GSTCD: variants seen among roughly 807,000 people sequenced by gnomAD.
GSTCD encodes the protein glutathione S-transferase C-terminal domain-containing protein.
Under a neutral mutation model 68.3 loss-of-function variants are expected in GSTCD, and 44 were observed. The observed-to-expected ratio is 0.64, with a 90% CI of 0.51 to 0.83. The LOEUF is 0.83. Among genes scored for constraint, GSTCD ranks in the 40% least tolerant of loss-of-function variants. The probability of loss-of-function intolerance (pLI) is 0.00; values close to 1 mark genes in which losing one functional copy is unlikely to be tolerated. For synonymous variants in GSTCD, 273 were observed against 255.2 expected (o/e 1.07, Z -0.67); for missense variants, 739 against 735.9 (o/e 1.00, Z -0.05).
At chr4:105,804,503 G>A (rs1428308636) in intron 5 of GSTCD, among the ~76,000 whole-genome samples, 1 of 152,024 alleles carries the variant, frequency 6.6e-6, no homozygotes, top group African/African-American at 2.4e-5. Flanking sequence ...TTACCTGAGG[G>A]CATTGTAGAA....
chr4:105,841,788 T>C (rs1340231190), intron 10 of GSTCD, among the ~76,000 whole-genome samples: 1 of 152,126 alleles, frequency 6.6e-6, no homozygotes, highest in Non-Finnish European at 1.5e-5. Flanking sequence ...GAGACGAAGG[T>C]TGCAGTGAGC....
chr4:105,835,550 C>T (rs1724079082), intron 9 of GSTCD, among the ~76,000 whole-genome samples: 1 of 152,102 alleles, frequency 6.6e-6, no homozygotes, highest in African/African-American at 2.4e-5. Context: ...CGCCAGGAGC[C>T]ACAGAACCCC....
chr4:105,796,705 C>T (rs1000505653), intron 5 of GSTCD, among the ~76,000 whole-genome samples: 5 of 152,108 alleles, frequency 3.3e-5, no homozygotes, highest in Non-Finnish European at 7.4e-5. Flanking sequence ...ACTGATGGTC[C>T]TTGGGCCAGA....
intron 5 of GSTCD, among the ~76,000 whole-genome samples, chr4:105,736,817 A>T (rs1733478647): frequency 6.6e-6 from 1 of 152,172 alleles, no homozygotes; most frequent in Non-Finnish European, 1.5e-5. Context: ...TCCATTTGGA[A>T]GTGAGAACAT....
At chr4:105,763,147 G>A (rs1734477292) in intron 5 of GSTCD, among the ~76,000 whole-genome samples, 1 of 152,142 alleles carries the variant, frequency 6.6e-6, no homozygotes, top group South Asian at 2.1e-4. Flanking sequence ...CAGAATTTAA[G>A]AGTGCAGAGG....
intron 5 of GSTCD, among the ~76,000 whole-genome samples, chr4:105,732,818 G>A (rs1000338074): frequency 7.2e-5 from 11 of 152,120 alleles, no homozygotes; most frequent in African/African-American, 1.4e-4. Context: ...GCTTTCTCCT[G>A]TGGGCATTTA....
At chr4:105,760,276 G>A (rs866839020) in intron 5 of GSTCD, among the ~76,000 whole-genome samples, 17 of 152,248 alleles carry the variant, frequency 1.1e-4, no homozygotes, top group African/African-American at 3.9e-4. Flanking sequence ...ATTAAACTGT[G>A]GGAGAATCTG....
chr4:105,742,352 A>C (rs1355758970), intron 5 of GSTCD, among the ~76,000 whole-genome samples: 1 of 151,612 alleles, frequency 6.6e-6, no homozygotes, highest in East Asian at 1.9e-4. Context: ...TCTTCTTCCC[A>C]CTCCCCTTGC....
At chr4:105,741,309 G>T (rs1578426078) in intron 5 of GSTCD, among the ~76,000 whole-genome samples, 1 of 152,126 alleles carries the variant, frequency 6.6e-6, no homozygotes. Flanking sequence ...TGAATTTTTG[G>T]TGTTTTATTA....
chr4:105,836,539 G>A (rs1392650391), intron 9 of GSTCD, among the ~76,000 whole-genome samples: 1 of 152,120 alleles, frequency 6.6e-6, no homozygotes, highest in Non-Finnish European at 1.5e-5. Context: ...TTTGTGCCAA[G>A]GGGTGCCTGC....
At chr4:105,784,923 A>T (rs765961580) in intron 5 of GSTCD, among the ~76,000 whole-genome samples, 1 of 152,180 alleles carries the variant, frequency 6.6e-6, no homozygotes, top group African/African-American at 2.4e-5. Flanking sequence ...TTCCAAGATT[A>T]TATTGTCCTT....
chr4:105,747,067 C>G (rs1324487354), intron 5 of GSTCD, among the ~76,000 whole-genome samples: 1 of 152,148 alleles, frequency 6.6e-6, no homozygotes, highest in Non-Finnish European at 1.5e-5. Flanking sequence ...AGCCTTTTCC[C>G]CTATTATTGA....
rs765614305 is a variant in GSTCD, at chr4:105,834,478, T to C, written c.1548T>C (p.Cys516=). 1 of 1,614,078 alleles carries C rather than the reference T, an allele frequency of 6.2e-7. No individual in the cohort carries two copies. Among genetic ancestry groups the C allele is most frequent in the East Asian group, 2.2e-5 (1 of 44,870 alleles). The change falls in exon 9 of 12, where the codon TGT becomes TGC. Residue 516 remains cysteine, a synonymous_variant. Transcript: ENST00000515279. ...MFNIGVALHA[C]GVATDMVIEH... ...TTTTGTAGGTAGCATTGCATGCTTG[T>C]GGAGTGGCAACAGACATGGTGATTG... is the stretch of plus-strand genomic sequence containing the variant.
chr4:105,801,841 T>C (rs1736116836), intron 5 of GSTCD, among the ~76,000 whole-genome samples: 1 of 152,136 alleles, frequency 6.6e-6, no homozygotes, highest in Non-Finnish European at 1.5e-5. Flanking sequence ...CATCATTTTA[T>C]AACTTCTCTT....
At chr4:105,725,591 T>C (rs1165120620) in intron 3 of GSTCD, among the ~76,000 whole-genome samples, 1 of 143,928 alleles carries the variant, frequency 6.9e-6, no homozygotes, top group Non-Finnish European at 1.5e-5. Context: ...TGCTGAGCAT[T>C]TTTTTTATAT....
At chr4:105,730,889 G>C (rs1046073675) in intron 5 of GSTCD, among the ~76,000 whole-genome samples, 2 of 152,214 alleles carry the variant, frequency 1.3e-5, no homozygotes, top group African/African-American at 4.8e-5. Flanking sequence ...TAAGATTTAA[G>C]TCTTCAATCC....
rs190156910 is a variant in GSTCD, at chr4:105,840,254, G to A, written c.1696-1811G>A. 5.2e-3 allele frequency: 2,374 copies of A among 452,442 alleles called. 11 individuals carry two copies. Among genetic ancestry groups the A allele is most frequent in the Non-Finnish European group, 8.2e-3 (1,856 of 225,558 alleles). The allele number at this position is 452,442 out of a possible 1,614,324, so 28.0% of individuals were successfully genotyped here. Reference sequence around the variant, plus strand: ...ATGAATCTTAATTTACAAACACCATGAGGACAAAGTGCACACTGTTTCTTC... The same window carrying A: ...ATGAATCTTAATTTACAAACACCATAAGGACAAAGTGCACACTGTTTCTTC... On this transcript the variant is annotated intron_variant, in intron 10 of 11. Coordinates refer to ENST00000515279, the MANE Select transcript of GSTCD (RefSeq NM_001370181.1).
In GSTCD at chr4:105,846,799, G is replaced by C. The variant is rs1292353278; in HGVS notation, c.*1222G>C. 1 of 151,622 alleles carries C rather than the reference G, an allele frequency of 6.6e-6. No homozygotes were observed. The highest frequency in any genetic ancestry group is 1.9e-4 in the East Asian group (1 of 5,156). The allele number at this position is 151,622 out of a possible 1,614,324, so 9.4% of individuals were successfully genotyped here. ...GCCTCCCGAGTAGCTAGGATTATAG[G>C]CACCTGCCACCATGCCCGGCTAATT... On this transcript the variant is annotated 3_prime_UTR_variant, in exon 12 of 12. Transcript: ENST00000515279.
At chr4:105,718,088 A>G (rs546536346) in intron 2 of GSTCD, 49 bp downstream of exon 2, 14 of 1,377,330 alleles carry the variant, frequency 1.0e-5, no homozygotes, top group South Asian at 9.8e-5. Context: ...CAGTGATAAC[A>G]TAATTACCTG....
Sources: gnomAD v4.1 joint callset for allele counts (sites outside exome capture counted in the v4.1 genomes callset) on GRCh38, gnomAD v4.1.1 for gene constraint, MANE v1.5 for transcripts, NCBI Gene and HGNC (gene_info 2026-07-23, HGNC 2026-07-21) for gene names.